The following EXT1 variants were observed in gnomAD, a reference collection of about 807,000 sequenced individuals.
EXT1 encodes the protein exostosin-1.
Under a neutral mutation model 82.5 loss-of-function variants are expected in EXT1, and 20 were observed. The ratio of observed to expected loss-of-function variants is 0.24; its 90% CI spans 0.17 to 0.35. The LOEUF (loss-of-function observed/expected upper bound fraction) is 0.35, where lower values mean the gene tolerates loss of function less well. Ranked by LOEUF, EXT1 falls within the 10% of genes least tolerant of loss-of-function variation. EXT1 has a pLI of 1.00. For synonymous variants in EXT1, 348 were observed against 350.8 expected (o/e 0.99, Z 0.09); for missense variants, 757 against 936.5 (o/e 0.81, Z 2.50).
chr8:118,015,905 A>T (rs1312209172), intron 1 of EXT1, among the ~76,000 whole-genome samples: 1 of 152,218 alleles, frequency 6.6e-6, no homozygotes, highest in East Asian at 1.9e-4. Context: ...CACAGAGGGA[A>T]GATGGCCAAG....
intron 1 of EXT1, among the ~76,000 whole-genome samples, chr8:117,980,254 G>A (rs1228087058): frequency 1.3e-5 from 2 of 152,266 alleles, no homozygotes; most frequent in African/African-American, 4.8e-5. Flanking sequence ...GAAATGACCT[G>A]AGAGTCATCC....
At chr8:118,104,957 T>C (rs1446074189) in intron 1 of EXT1, among the ~76,000 whole-genome samples, 2 of 152,224 alleles carry the variant, frequency 1.3e-5, no homozygotes, top group African/African-American at 4.8e-5. Flanking sequence ...GCAATGAATG[T>C]TCTTCTCTCC....
At chr8:118,091,521 G>T (rs1320789991) in intron 1 of EXT1, among the ~76,000 whole-genome samples, 1 of 152,016 alleles carries the variant, frequency 6.6e-6, no homozygotes, top group East Asian at 1.9e-4. Context: ...GGCGGATCAC[G>T]AGGTCAGGAG....
chr8:117,882,894 T>G (rs1291087928), intron 1 of EXT1, among the ~76,000 whole-genome samples: 1 of 151,150 alleles, frequency 6.6e-6, no homozygotes, highest in Non-Finnish European at 1.5e-5. Context: ...GGAGAATCGC[T>G]TGAACTGGGG....
At chr8:117,914,745 G>T (rs1813714465) in intron 1 of EXT1, among the ~76,000 whole-genome samples, 1 of 152,112 alleles carries the variant, frequency 6.6e-6, no homozygotes, top group Admixed American at 6.5e-5. Context: ...ATAAATTTGT[G>T]GTCAGACCGG....
At position 118,110,975 on chromosome 8, in the gene EXT1, T is replaced by C. The variant is rs1486117778; in HGVS notation, c.72A>G (p.Gly24=). 2 of 1,610,606 alleles carry C rather than the reference T, an allele frequency of 1.2e-6. No individual in the cohort carries two copies. Among genetic ancestry groups the C allele is most frequent in the Admixed American group, 1.7e-5 (1 of 59,980 alleles). Residue 24 remains glycine, a synonymous_variant, in exon 1 of 11, where the codon GGA becomes GGG. Coordinates refer to ENST00000378204, the MANE Select transcript of EXT1 (RefSeq NM_000127.3). ...GSCLALLFYF[G]GLQFRASRSH... ...TCCTCGATGCCCTAAACTGCAAGCC[T>C]CCGAAATAAAACAAAAGGGCGAGAC...
intron 3 of EXT1, among the ~76,000 whole-genome samples, chr8:117,834,615 A>AACACAC (rs1196593396): frequency 6.3e-5 from 2 of 31,696 alleles, no homozygotes; most frequent in Admixed American, 4.8e-4. Flanking sequence ...AAAAAACACA[A>AACACAC]ACACACACAC....
chr8:117,823,547 CA>C (rs1305541024), intron 4 of EXT1, among the ~76,000 whole-genome samples: 1 of 150,188 alleles, frequency 6.7e-6, no homozygotes, highest in Non-Finnish European at 1.5e-5. Context: ...AGTTTTAAGA[CA>C]TTTAAGACCC....
intron 1 of EXT1, among the ~76,000 whole-genome samples, chr8:118,101,734 T>C (rs1417681236): frequency 2.6e-5 from 4 of 152,164 alleles, no homozygotes; most frequent in Non-Finnish European, 5.9e-5. Context: ...GCAGGACCAA[T>C]TAACACCTAC....
chr8:118,082,737 G>C (rs1419235256), intron 1 of EXT1, among the ~76,000 whole-genome samples: 2 of 152,184 alleles, frequency 1.3e-5, no homozygotes, highest in Non-Finnish European at 2.9e-5. Flanking sequence ...TATATAGTGA[G>C]CTGAACACGT....
chr8:117,965,705 A>G (rs1814793801), intron 1 of EXT1, among the ~76,000 whole-genome samples: 1 of 152,214 alleles, frequency 6.6e-6, no homozygotes. Context: ...GGCTCAATAC[A>G]TATTAATCAG....
At chr8:117,906,575 T>G (rs1337526388) in intron 1 of EXT1, among the ~76,000 whole-genome samples, 2 of 152,148 alleles carry the variant, frequency 1.3e-5, no homozygotes, top group Admixed American at 6.5e-5. Flanking sequence ...AGAAAATGTA[T>G]CCCAAATCTG....
intron 1 of EXT1, among the ~76,000 whole-genome samples, chr8:118,043,033 G>A (rs17476700): frequency 0.024 from 3,609 of 152,252 alleles, 132 homozygotes; most frequent in African/African-American, 0.077. Context: ...TCTCAAATGC[G>A]TGCTCTATGG....
intron 1 of EXT1, among the ~76,000 whole-genome samples, chr8:117,942,563 T>C (rs1167661980): frequency 6.6e-6 from 1 of 151,934 alleles, no homozygotes; most frequent in Non-Finnish European, 1.5e-5. Context: ...AATACAAAAT[T>C]AGCCAGGCAT....
intron 1 of EXT1, among the ~76,000 whole-genome samples, chr8:118,075,647 A>G (rs1373586729): frequency 1.3e-5 from 2 of 152,154 alleles, no homozygotes; most frequent in African/African-American, 2.4e-5. Flanking sequence ...GGTAATTTAT[A>G]AAGAAAAGAG....
At chr8:117,972,761 T>C (rs992412700) in intron 1 of EXT1, among the ~76,000 whole-genome samples, 3 of 152,156 alleles carry the variant, frequency 2.0e-5, no homozygotes, top group Admixed American at 1.3e-4. Flanking sequence ...AAACAGGTCC[T>C]TCTCACATGG....
At position 117,977,391 on chromosome 8, in the gene EXT1, T is replaced by TAAAAA. The variant is rs34970501; in HGVS notation, c.962+132689_962+132693dup. ...AATAGAGCAAGACTCTGTCTCAAAA[T>TAAAAA]AAAAAAAAAAAAAAAAGACCATATA... On this transcript the variant is annotated intron_variant, in intron 1 of 10. Transcript: ENST00000378204. Among the ~76,000 whole-genome samples, 207 of 128,956 alleles carry TAAAAA rather than the reference T, an allele frequency of 1.6e-3. 3 individuals are homozygous for TAAAAA. Among genetic ancestry groups the TAAAAA allele is most frequent in the Admixed American group, 3.1e-3 (38 of 12,386 alleles). The allele number at this position is 128,956 out of a possible 152,430, so 84.6% of individuals were successfully genotyped here.
rs192759952 is a variant in EXT1, at chr8:117,873,224, A to G, written c.963-36023T>C. The stretch of plus-strand genomic sequence containing the variant: ...CCCTGGTCTCGGACTCTGAGTCTCC[A>G]CAACTGTGAAAAATAAATTTCTATT... On this transcript the variant is annotated intron_variant, in intron 1 of 10. Transcript: ENST00000378204. 2.6e-5 allele frequency among the ~76,000 whole-genome samples: 4 copies of G among 152,294 alleles called. No homozygotes were observed. In the East Asian group the frequency reaches 7.7e-4, roughly 29 times the overall value.
At chr8:118,012,925 T>C (rs1815930219) in intron 1 of EXT1, among the ~76,000 whole-genome samples, 1 of 152,210 alleles carries the variant, frequency 6.6e-6, no homozygotes, top group East Asian at 1.9e-4. Flanking sequence ...ATTCTTTCTA[T>C]CGTTAGTAAG....
Sources: gnomAD v4.1 joint callset for allele counts (sites outside exome capture counted in the v4.1 genomes callset) on GRCh38, gnomAD v4.1.1 for gene constraint, MANE v1.5 for transcripts, NCBI Gene and HGNC (gene_info 2026-07-23, HGNC 2026-07-21) for gene names.